Variants in CAMTA1 observed in about 807,000 individuals in gnomAD.
CAMTA1 encodes calmodulin binding transcription activator 1, also known as calmodulin-binding transcription activator 1.
Under a neutral mutation model 170.9 loss-of-function variants are expected in CAMTA1, and 27 were observed. That is an observed-to-expected ratio of 0.16 (90% confidence interval 0.12 to 0.22). The LOEUF is 0.22. Among genes scored for constraint, CAMTA1 ranks in the 10% least tolerant of loss-of-function variants. CAMTA1 has a pLI of 1.00. For synonymous variants in CAMTA1, 833 were observed against 891.5 expected, an observed-to-expected ratio of 0.93 and a Z score of 1.17; for missense variants, 1,619 against 2,217.2, an observed-to-expected ratio of 0.73 and a Z score of 5.42.
chr1:7,018,913 A>G (rs1700962894), intron 3 of CAMTA1, among the ~76,000 whole-genome samples: 1 of 152,206 alleles, frequency 6.6e-6, no homozygotes, highest in Middle Eastern at 3.2e-3. Context: ...CACTGTGGAC[A>G]GAAACATGTT....
intron 4 of CAMTA1, among the ~76,000 whole-genome samples, chr1:7,132,476 T>C (rs1645320302): frequency 6.6e-6 from 1 of 152,222 alleles, no homozygotes. Context: ...GGTCTCACTA[T>C]GTTTCCCAGG....
intron 5 of CAMTA1, among the ~76,000 whole-genome samples, chr1:7,277,924 A>G (rs868793584): frequency 6.6e-6 from 1 of 152,220 alleles, no homozygotes; most frequent in South Asian, 2.1e-4. Flanking sequence ...CATTGAGACT[A>G]TTACTACTAT....
intron 1 of CAMTA1, among the ~76,000 whole-genome samples, chr1:6,796,680 G>A (rs999413462): frequency 6.6e-6 from 1 of 152,032 alleles, no homozygotes; most frequent in Non-Finnish European, 1.5e-5. Flanking sequence ...ATTGGACTTA[G>A]GGTGCATCTA....
chr1:7,441,011 C>T (rs2092513657), intron 5 of CAMTA1: 1 of 152,162 alleles, frequency 6.6e-6, no homozygotes, highest in South Asian at 2.1e-4. Context: ...GGGTTTTAAA[C>T]CCTACGTCAC....
intron 3 of CAMTA1, among the ~76,000 whole-genome samples, chr1:6,974,100 G>A (rs2149597679): frequency 6.6e-6 from 1 of 152,300 alleles, no homozygotes; most frequent in East Asian, 1.9e-4. Flanking sequence ...GCTTACTGGG[G>A]GCCCACACAG....
chr1:7,340,115 A>G (rs551927593), intron 5 of CAMTA1, among the ~76,000 whole-genome samples: 4 of 152,334 alleles, frequency 2.6e-5, no homozygotes, highest in African/African-American at 9.6e-5. Flanking sequence ...CATCAACTCA[A>G]CTTTGCTGTT....
chr1:7,494,143 C>G (rs898122089), intron 6 of CAMTA1, among the ~76,000 whole-genome samples: 2 of 138,860 alleles, frequency 1.4e-5, no homozygotes, highest in African/African-American at 6.1e-5. Flanking sequence ...TTCTCCAGAT[C>G]TGCTGTTCAA....
chr1:7,718,851 C>G (rs61772111), intron 11 of CAMTA1, among the ~76,000 whole-genome samples: 1 of 20,422 alleles, frequency 4.9e-5, no homozygotes, highest in Non-Finnish European at 9.7e-5. Flanking sequence ...GCCCGGTCAG[C>G]CCTTTTTTTT....
chr1:7,012,624 C>T (rs557066832), intron 3 of CAMTA1, among the ~76,000 whole-genome samples: 6 of 152,310 alleles, frequency 3.9e-5, no homozygotes, highest in South Asian at 2.1e-4. Flanking sequence ...CCTTGCCTGT[C>T]GGCAGCCTGT....
Position 7,370,914 on chromosome 1 carries a change from C to CTTTTTTTTTTTTTTTTTTTTTTTTT in CAMTA1, c.439-96901_439-96900insTTTTTTTTTTTTTTTTTTTTTTTTT, listed in dbSNP as rs61387662. On this transcript the variant is annotated intron_variant, in intron 5 of 22. Coordinates refer to ENST00000303635, the MANE Select transcript of CAMTA1 (RefSeq NM_015215.4). ...TATGGCACTTTCTTTTTCTTTCTTT[C>CTTTTTTTTTTTTTTTTTTTTTTTTT]TTTTTTTTTTTTTTTGAGACGGAGT... is the stretch of plus-strand genomic sequence containing the variant. Among the ~76,000 whole-genome samples the CTTTTTTTTTTTTTTTTTTTTTTTTT allele has an allele frequency of 6.4e-5, 7 of 110,008 alleles. 1 individual carries two copies. The highest frequency in any genetic ancestry group is 1.1e-4 in the African/African-American group (3 of 28,362). The allele number at this position is 110,008 out of a possible 152,430, so 72.2% of individuals were successfully genotyped here. A position where few individuals can be genotyped will look rare whatever the true frequency, so the allele number is the denominator to read the frequency against.
intron 7 of CAMTA1, among the ~76,000 whole-genome samples, chr1:7,660,744 G>A (rs2095948621): frequency 6.6e-6 from 1 of 152,168 alleles, no homozygotes; most frequent in Non-Finnish European, 1.5e-5. Flanking sequence ...CTCTTGTATC[G>A]ATAAAGCCAC....
intron 4 of CAMTA1, among the ~76,000 whole-genome samples, chr1:7,220,142 C>T (rs1051177856): frequency 2.0e-5 from 3 of 152,174 alleles, no homozygotes; most frequent in Non-Finnish European, 4.4e-5. Flanking sequence ...CATACAAAGC[C>T]CGAAACCATA....
chr1:7,403,028 T>C (rs1251110055), intron 5 of CAMTA1, among the ~76,000 whole-genome samples: 1 of 152,198 alleles, frequency 6.6e-6, no homozygotes, highest in African/African-American at 2.4e-5. Flanking sequence ...GGCACTGTGC[T>C]AGCTCTTTGG....
At chr1:7,491,591 C>T (rs951962933) in intron 6 of CAMTA1, among the ~76,000 whole-genome samples, 16 of 152,090 alleles carry the variant, frequency 1.1e-4, no homozygotes, top group Non-Finnish European at 1.8e-4. Flanking sequence ...ACAAGCACTT[C>T]GGTGATTTTT....
intron 6 of CAMTA1, among the ~76,000 whole-genome samples, chr1:7,573,844 G>T (rs2095155817): frequency 6.6e-6 from 1 of 152,154 alleles, no homozygotes; most frequent in Admixed American, 6.5e-5. Context: ...CGCCATCTTG[G>T]CTCAGTACAA....
chr1:6,787,906 C>T (rs1639881351), intron 1 of CAMTA1, among the ~76,000 whole-genome samples: 3 of 151,882 alleles, frequency 2.0e-5, no homozygotes, highest in South Asian at 2.1e-4. Flanking sequence ...TTTGGACAAA[C>T]GACAGGAGAT....
intron 5 of CAMTA1, among the ~76,000 whole-genome samples, chr1:7,275,084 G>T (rs1194698181): frequency 7.0e-6 from 1 of 143,708 alleles, no homozygotes; most frequent in African/African-American, 2.6e-5. Context: ...GGAGGTTGCA[G>T]TGAGCCGAGA....
chr1:7,264,326 G>A (rs893499002), intron 5 of CAMTA1, among the ~76,000 whole-genome samples: 1 of 152,210 alleles, frequency 6.6e-6, no homozygotes, highest in African/African-American at 2.4e-5. Context: ...TACAAAGGCT[G>A]CTGATCAACA....
intron 4 of CAMTA1, among the ~76,000 whole-genome samples, chr1:7,225,633 G>GTA (rs1661569723): frequency 6.6e-6 from 1 of 152,230 alleles, no homozygotes; most frequent in Non-Finnish European, 1.5e-5. Flanking sequence ...GGGGTTGACA[G>GTA]CTACCCCAGA....
Sources: allele counts gnomAD v4.1 joint callset (sites outside exome capture counted in the v4.1 genomes callset), GRCh38; gene constraint gnomAD v4.1.1; transcripts MANE v1.5; gene names NCBI Gene and HGNC (gene_info 2026-07-23, HGNC 2026-07-21).